The following CHCHD3 variants were observed in gnomAD, a reference collection of about 807,000 sequenced individuals.
CHCHD3 encodes coiled-coil-helix-coiled-coil-helix domain containing 3.
CHCHD3 carries 20 observed loss-of-function variants against 38.2 expected under a neutral mutation model. That is an observed-to-expected ratio of 0.52 (90% confidence interval 0.37 to 0.76). The LOEUF (loss-of-function observed/expected upper bound fraction) is 0.76, where lower values mean the gene tolerates loss of function less well. CHCHD3 is among the 30% of genes least tolerant of loss of function. The pLI is 0.00. For missense variants in CHCHD3, 245 were observed against 279.2 expected (o/e 0.88, Z 0.87); for synonymous variants, 82 against 100.0 (o/e 0.82, Z 1.07).
chr7:132,961,688 G>A (rs1387261308), intron 4 of CHCHD3, among the ~76,000 whole-genome samples: 2 of 152,144 alleles, frequency 1.3e-5, no homozygotes, highest in African/African-American at 4.8e-5. Flanking sequence ...TAAAAATACT[G>A]TAGAACTATA....
chr7:132,858,734 G>A (rs573376489), intron 5 of CHCHD3, among the ~76,000 whole-genome samples: 1 of 152,110 alleles, frequency 6.6e-6, no homozygotes, highest in African/African-American at 2.4e-5. Flanking sequence ...TCACTCTGAG[G>A]ACAAGAAAGG....
chr7:132,839,122 G>A (rs1263072209), intron 5 of CHCHD3, among the ~76,000 whole-genome samples: 4 of 151,962 alleles, frequency 2.6e-5, no homozygotes, highest in Non-Finnish European at 4.4e-5. Context: ...AACCCGGGAG[G>A]TGGAGGTTGC....
intron 3 of CHCHD3, among the ~76,000 whole-genome samples, chr7:132,994,628 G>A (rs1336947780): frequency 6.6e-6 from 1 of 152,072 alleles, no homozygotes; most frequent in Non-Finnish European, 1.5e-5. Context: ...TCCAGCAAAA[G>A]GATAAATCGC....
chr7:132,890,336 A>C (rs982502279), intron 4 of CHCHD3, among the ~76,000 whole-genome samples: 3 of 152,174 alleles, frequency 2.0e-5, no homozygotes, highest in Admixed American at 6.5e-5. Flanking sequence ...TACAAGAGAA[A>C]ACTGGGATTA....
intron 4 of CHCHD3, among the ~76,000 whole-genome samples, chr7:132,947,865 T>C (rs935907429): frequency 3.3e-5 from 5 of 152,048 alleles, no homozygotes; most frequent in African/African-American, 9.7e-5. Flanking sequence ...TTTCCTCCTA[T>C]GTTGTGCCAC....
chr7:133,003,404 C>A (rs1812622223), intron 3 of CHCHD3, among the ~76,000 whole-genome samples: 1 of 151,864 alleles, frequency 6.6e-6, no homozygotes, highest in Non-Finnish European at 1.5e-5. Context: ...CAGGAGAAGA[C>A]AAGAAGATAG....
chr7:133,003,700 G>C (rs1812630279), intron 3 of CHCHD3, among the ~76,000 whole-genome samples: 1 of 152,174 alleles, frequency 6.6e-6, no homozygotes, highest in Non-Finnish European at 1.5e-5. Flanking sequence ...GCCCAATGCT[G>C]ACTCAAGCTC....
At chr7:132,816,278 G>T (rs921721576) in intron 6 of CHCHD3, among the ~76,000 whole-genome samples, 1 of 152,144 alleles carries the variant, frequency 6.6e-6, no homozygotes, top group Non-Finnish European at 1.5e-5. Flanking sequence ...AAAATCATCT[G>T]GGCTTAGCAG....
chr7:133,063,663 T>A (rs1272296725), intron 2 of CHCHD3, among the ~76,000 whole-genome samples: 1 of 152,200 alleles, frequency 6.6e-6, no homozygotes, highest in Non-Finnish European at 1.5e-5. Context: ...GATATAAAAA[T>A]ATCAATAAGA....
intron 6 of CHCHD3, among the ~76,000 whole-genome samples, chr7:132,800,061 C>T (rs968851993): frequency 3.3e-5 from 5 of 152,082 alleles, no homozygotes; most frequent in African/African-American, 7.2e-5. Flanking sequence ...CATTCTTTGG[C>T]TAATGTTTAA....
intron 2 of CHCHD3, among the ~76,000 whole-genome samples, chr7:133,056,043 G>A (rs924922003): frequency 6.6e-6 from 1 of 151,930 alleles, no homozygotes; most frequent in Non-Finnish European, 1.5e-5. Context: ...AACTACTCAG[G>A]AAACTGAGGA....
chr7:132,978,446 T>C (rs1811829350), intron 3 of CHCHD3, among the ~76,000 whole-genome samples: 1 of 152,188 alleles, frequency 6.6e-6, no homozygotes, highest in Non-Finnish European at 1.5e-5. Context: ...GCCCTATTTT[T>C]GTTCACTGCT....
chr7:132,806,931 G>A (rs979987555), intron 6 of CHCHD3, among the ~76,000 whole-genome samples: 11 of 152,172 alleles, frequency 7.2e-5, no homozygotes, highest in African/African-American at 2.7e-4. Flanking sequence ...TTGCAGACCT[G>A]GTGTGGTTAA....
chr7:132,964,322 C>T (rs1811402822), intron 4 of CHCHD3, among the ~76,000 whole-genome samples: 1 of 152,190 alleles, frequency 6.6e-6, no homozygotes, highest in Admixed American at 6.5e-5. Context: ...GTGGCTCATG[C>T]CTGTAATCCC....
chr7:132,876,272 C>A (rs1422597532), intron 5 of CHCHD3, among the ~76,000 whole-genome samples: 1 of 152,116 alleles, frequency 6.6e-6, no homozygotes, highest in African/African-American at 2.4e-5. Context: ...ATCTCATACG[C>A]AGGAAACATA....
chr7:132,943,775 A>C (rs150108388), intron 4 of CHCHD3, among the ~76,000 whole-genome samples: 159 of 152,256 alleles, frequency 1.0e-3, no homozygotes, highest in African/African-American at 3.2e-3. Flanking sequence ...ACTGAAAAGG[A>C]AAGTTATGAA....
intron 4 of CHCHD3, among the ~76,000 whole-genome samples, chr7:132,902,980 T>C (rs1447132220): frequency 1.2e-4 from 19 of 152,182 alleles, no homozygotes; most frequent in Admixed American, 1.2e-3. Flanking sequence ...TACTCAGGAA[T>C]AGACATGATC....
chr7:132,846,210 G>A (rs2343295), intron 5 of CHCHD3, among the ~76,000 whole-genome samples: 43,126 of 152,088 alleles, frequency 0.28, 6,207 homozygotes, highest in East Asian at 0.37. Context: ...ACCAGAATAC[G>A]ACAACAGTGA....
chr7:132,851,097 T>C (rs749428902), intron 5 of CHCHD3, among the ~76,000 whole-genome samples: 2 of 152,272 alleles, frequency 1.3e-5, no homozygotes, highest in Non-Finnish European at 2.9e-5. Context: ...ACAAAACACT[T>C]TGAATATTTT....
Sources: gnomAD v4.1 joint callset for allele counts (sites outside exome capture counted in the v4.1 genomes callset) on GRCh38, gnomAD v4.1.1 for gene constraint, MANE v1.5 for transcripts, NCBI Gene and HGNC (gene_info 2026-07-23, HGNC 2026-07-21) for gene names.